PLCB1: variants seen among roughly 807,000 people sequenced by gnomAD.
The protein encoded by PLCB1 is 1-phosphatidylinositol 4,5-bisphosphate phosphodiesterase beta-1.
A neutral mutation model predicts 161.8 loss-of-function variants in PLCB1; 46 were observed. The observed-to-expected ratio is 0.28, with a 90% CI of 0.22 to 0.36. The LOEUF (loss-of-function observed/expected upper bound fraction) is 0.36. PLCB1 is among the 10% of genes least tolerant of loss of function. PLCB1 has a pLI of 1.00. For synonymous variants in PLCB1, 517 were observed against 503.7 expected (o/e 1.03, Z -0.35); for missense variants, 1,016 against 1,472.5 (o/e 0.69, Z 5.07).
At chr20:8,437,124 G>T (rs1028526892) in intron 3 of PLCB1, among the ~76,000 whole-genome samples, 1 of 152,030 alleles carries the variant, frequency 6.6e-6, no homozygotes, top group African/African-American at 2.4e-5. Flanking sequence ...GTTCAGCCAG[G>T]CCTGGAATGC....
chr20:8,713,830 T>G (rs1488878735), intron 12 of PLCB1, among the ~76,000 whole-genome samples: 2 of 152,154 alleles, frequency 1.3e-5, no homozygotes, highest in African/African-American at 2.4e-5. Context: ...AGGTGATTCC[T>G]TAGTGGAATT....
chr20:8,224,986 A>T (rs1471377155), intron 2 of PLCB1, among the ~76,000 whole-genome samples: 1 of 152,202 alleles, frequency 6.6e-6, no homozygotes, highest in African/African-American at 2.4e-5. Context: ...TACACAAAAT[A>T]TGAGAAAGTA....
At chr20:8,293,721 A>G (rs531927873) in intron 2 of PLCB1, among the ~76,000 whole-genome samples, 40 of 152,168 alleles carry the variant, frequency 2.6e-4, no homozygotes, top group Non-Finnish European at 5.0e-4. Flanking sequence ...GGGACCCTCA[A>G]AGGGTCTTGG....
At chr20:8,795,446 C>A (rs895031664) in intron 31 of PLCB1, among the ~76,000 whole-genome samples, 1 of 152,154 alleles carries the variant, frequency 6.6e-6, no homozygotes, top group Admixed American at 6.5e-5. Context: ...ATACTTGGCT[C>A]CTTTCCAGTA....
intron 2 of PLCB1, among the ~76,000 whole-genome samples, chr20:8,326,950 A>G (rs1985178936): frequency 6.6e-6 from 1 of 152,238 alleles, no homozygotes; most frequent in Non-Finnish European, 1.5e-5. Flanking sequence ...CTGTGGCACA[A>G]TCATGATTCA....
chr20:8,709,479 A>G (rs1393097561), intron 12 of PLCB1, among the ~76,000 whole-genome samples: 1 of 152,136 alleles, frequency 6.6e-6, no homozygotes. Context: ...TCAGGAACCT[A>G]AGCCAGATTT....
At chr20:8,466,673 A>T (rs1568687123) in intron 3 of PLCB1, among the ~76,000 whole-genome samples, 1 of 152,114 alleles carries the variant, frequency 6.6e-6, no homozygotes, top group East Asian at 1.9e-4. Context: ...CAGATTAAAG[A>T]CCTTAAATTT....
intron 31 of PLCB1, among the ~76,000 whole-genome samples, chr20:8,867,064 G>C (rs770025176): frequency 6.6e-6 from 1 of 152,196 alleles, no homozygotes; most frequent in Non-Finnish European, 1.5e-5. Context: ...GGAGAAGGAT[G>C]TTCTCCAGGG....
rs114082119 is a variant in PLCB1 at position 8,490,612 on chromosome 20, C to A, written c.246+119162C>A. 6.5e-3 allele frequency among the ~76,000 whole-genome samples: 991 copies of A among 152,222 alleles called. 14 individuals carry two copies. Among genetic ancestry groups the A allele is most frequent in the African/African-American group, 0.022 (930 of 41,524 alleles). ...GCAGTGTATGAGACTTTCAGTTGCT[C>A]CACTTTCTTACTAACACTTTGTATG... is the stretch of plus-strand genomic sequence containing the variant. On this transcript the variant is annotated intron_variant, in intron 3 of 31. Transcript: ENST00000338037.
At chr20:8,534,447 C>T (rs1208572200) in intron 3 of PLCB1, among the ~76,000 whole-genome samples, 1 of 152,200 alleles carries the variant, frequency 6.6e-6, no homozygotes, top group Non-Finnish European at 1.5e-5. Context: ...TGGTTTAGAG[C>T]ATTGGCAGTC....
At chr20:8,856,581 C>T (rs1987075829) in intron 31 of PLCB1, among the ~76,000 whole-genome samples, 1 of 152,130 alleles carries the variant, frequency 6.6e-6, no homozygotes, top group Admixed American at 6.6e-5. Flanking sequence ...CACACCACTG[C>T]ACTCCAGCCT....
At chr20:8,264,222 A>T (rs1391122260) in intron 2 of PLCB1, among the ~76,000 whole-genome samples, 2 of 152,178 alleles carry the variant, frequency 1.3e-5, no homozygotes, top group African/African-American at 4.8e-5. Context: ...CAGAGTCAGC[A>T]TCATCAATAT....
At chr20:8,716,132 T>A (rs531146444) in intron 12 of PLCB1, 132 bp from the exon 13 acceptor site, 1 of 663,294 alleles carries the variant, frequency 1.5e-6, no homozygotes, top group Non-Finnish European at 2.7e-6. Flanking sequence ...AGATCCAGGA[T>A]GATAAAAACC....
Position 8,189,558 on chromosome 20 carries a change from C to T in PLCB1, c.177+39187C>T, listed in dbSNP as rs76880457. Among the ~76,000 whole-genome samples, 128 of 151,904 alleles carry T rather than the reference C, an allele frequency of 8.4e-4. 1 individual carries two copies. In the East Asian group the frequency reaches 0.019, roughly 23 times the overall value. Reference sequence around the variant, plus strand: ...TTCACTTCTACACCTGAAATGTAGGCGGCGACACTTTTATCTAGTCATAGA... The same window carrying T: ...TTCACTTCTACACCTGAAATGTAGGTGGCGACACTTTTATCTAGTCATAGA... On this transcript the variant is annotated intron_variant, in intron 2 of 31. Transcript: ENST00000338037.
chr20:8,142,495 G>A (rs1228202399), intron 1 of PLCB1, among the ~76,000 whole-genome samples: 1 of 152,190 alleles, frequency 6.6e-6, no homozygotes, highest in African/African-American at 2.4e-5. Flanking sequence ...TTAAGATTGA[G>A]TGTATACTAC....
At position 8,179,846 on chromosome 20, in the gene PLCB1, C is replaced by CTTTTTTTTTT. The variant is rs35174594; in HGVS notation, c.177+29496_177+29505dup. 8.4e-5 allele frequency among the ~76,000 whole-genome samples: 6 copies of CTTTTTTTTTT among 71,412 alleles called. 1 individual carries two copies. Among genetic ancestry groups the CTTTTTTTTTT allele is most frequent in the African/African-American group, 2.7e-4 (5 of 18,410 alleles). 46.8% of individuals were successfully genotyped at this position (71,412 alleles called of 152,430 possible). A position where few individuals can be genotyped will look rare whatever the true frequency, so the allele number is the denominator to read the frequency against. Reference sequence around the variant, plus strand: ...CCTTCAATGCCTAGTTTGTTGAGGGCTTTTTTTTTTTTTTTTTTTTTTTTT... The same window carrying CTTTTTTTTTT: ...CCTTCAATGCCTAGTTTGTTGAGGGCTTTTTTTTTTTTTTTTTTTTTTTTTTTTTTTTTTT... On this transcript the variant is annotated intron_variant, in intron 2 of 31. Coordinates refer to ENST00000338037, the MANE Select transcript of PLCB1 (RefSeq NM_015192.4).
chr20:8,678,510 A>C (rs560739954), intron 9 of PLCB1, among the ~76,000 whole-genome samples: 1 of 152,196 alleles, frequency 6.6e-6, no homozygotes, highest in Non-Finnish European at 1.5e-5. Context: ...TAACCATCCT[A>C]GTAAAAGTGG....
chr20:8,258,535 G>GT (rs918970517), intron 2 of PLCB1, among the ~76,000 whole-genome samples: 7 of 152,110 alleles, frequency 4.6e-5, no homozygotes, highest in African/African-American at 1.7e-4. Flanking sequence ...CTTGAGTTCA[G>GT]TTTTTCCCTG....
chr20:8,296,861 T>C (rs1386899318), intron 2 of PLCB1, among the ~76,000 whole-genome samples: 2 of 152,198 alleles, frequency 1.3e-5, no homozygotes, highest in African/African-American at 4.8e-5. Flanking sequence ...AGACATTATA[T>C]ATCATGAAAT....
Sources: allele counts gnomAD v4.1 joint callset (sites outside exome capture counted in the v4.1 genomes callset), GRCh38; gene constraint gnomAD v4.1.1; transcripts MANE v1.5; gene names NCBI Gene and HGNC (gene_info 2026-07-23, HGNC 2026-07-21).